The following RUNX1 variants were observed in gnomAD, a reference collection of about 807,000 sequenced individuals.
The protein encoded by RUNX1 is RUNX family transcription factor 1.
A neutral mutation model predicts 42.8 loss-of-function variants in RUNX1; 19 were observed. The observed-to-expected ratio is 0.44, with a 90% CI of 0.31 to 0.65. RUNX1 has a LOEUF of 0.65. Among genes scored for constraint, RUNX1 ranks in the 30% least tolerant of loss-of-function variants. RUNX1 has a pLI of 0.07. For missense variants in RUNX1, 528 were observed against 672.0 expected, an observed-to-expected ratio of 0.79 and a Z score of 2.37; for synonymous variants, 271 against 289.4, an observed-to-expected ratio of 0.94 and a Z score of 0.64.
chr21:35,015,821 G>GCTC (rs1217918406), intron 2 of RUNX1, among the ~76,000 whole-genome samples: 2 of 152,232 alleles, frequency 1.3e-5, no homozygotes, highest in African/African-American at 4.8e-5. Flanking sequence ...CTGAGATTCA[G>GCTC]AGAGGTGGAC....
Position 34,936,064 on chromosome 21 carries a change from G to A in RUNX1, c.59-43101C>T, listed in dbSNP as rs554347360. Among the ~76,000 whole-genome samples the A allele has an allele frequency of 6.6e-5, 10 of 152,206 alleles. No homozygotes were observed. In the East Asian group the frequency reaches 7.7e-4, roughly 12 times the overall value. On this transcript the variant is annotated intron_variant, in intron 2 of 8. Coordinates refer to ENST00000675419, the MANE Select transcript of RUNX1 (RefSeq NM_001754.5). The stretch of plus-strand genomic sequence containing the variant: ...CACACTAAGAGGTGACTAACATGGC[G>A]GGATAAAAAGCCAGGAGACCCCCCT...
chr21:34,884,702 GT>G (rs2057954898), intron 4 of RUNX1, among the ~76,000 whole-genome samples: 1 of 152,192 alleles, frequency 6.6e-6, no homozygotes, highest in Non-Finnish European at 1.5e-5. Context: ...TAGTTATGCA[GT>G]GAGCAGGTCT....
chr21:35,036,520 G>A (rs776034953), intron 2 of RUNX1, among the ~76,000 whole-genome samples: 1 of 152,128 alleles, frequency 6.6e-6, no homozygotes, highest in Non-Finnish European at 1.5e-5. Context: ...GAAGTAGTCT[G>A]TTGTAGAATA....
At chr21:34,864,113 C>T (rs2057621146) in intron 5 of RUNX1, among the ~76,000 whole-genome samples, 1 of 152,244 alleles carries the variant, frequency 6.6e-6, no homozygotes, top group African/African-American at 2.4e-5. Flanking sequence ...ACAGGAGCCA[C>T]ATGCTCTGCC....
At chr21:34,909,607 A>AAAAAAAAAAAAAAC (rs2058255665) in intron 2 of RUNX1, among the ~76,000 whole-genome samples, 1 of 151,338 alleles carries the variant, frequency 6.6e-6, no homozygotes, top group African/African-American at 2.4e-5. Flanking sequence ...AAAAAAAAAA[A>AAAAAAAAAAAAAAC]AGATGGTGTT....
chr21:34,912,781 A>G lies in RUNX1; in HGVS notation c.59-19818T>C, dbSNP rs76291273. 7.2e-3 allele frequency among the ~76,000 whole-genome samples: 1,100 copies of G among 152,338 alleles called. 8 individuals carry two copies. Among genetic ancestry groups the G allele is most frequent in the African/African-American group, 0.025 (1,052 of 41,576 alleles). On this transcript the variant is annotated intron_variant, in intron 2 of 8. Transcript: ENST00000675419. ...CCAGATATACAGGACATGTGTGATG[A>G]CAGATAGGATATGAACAGATGAGTA...
intron 2 of RUNX1, among the ~76,000 whole-genome samples, chr21:34,993,467 A>G (rs1645109534): frequency 6.6e-6 from 1 of 152,032 alleles, no homozygotes; most frequent in South Asian, 2.1e-4. Flanking sequence ...GCCAGAATAG[A>G]GTCAGAGGAC....
intron 7 of RUNX1, among the ~76,000 whole-genome samples, chr21:34,808,234 T>C (rs1468056485): frequency 6.6e-6 from 1 of 152,200 alleles, no homozygotes; most frequent in Non-Finnish European, 1.5e-5. Flanking sequence ...GCATTCGTTG[T>C]TCCAGCAATT....
intron 7 of RUNX1, among the ~76,000 whole-genome samples, chr21:34,800,855 A>G (rs554334121): frequency 6.6e-6 from 1 of 152,296 alleles, no homozygotes; most frequent in African/African-American, 2.4e-5. Flanking sequence ...CCAGGCAAAT[A>G]GTTTAACTTG....
intron 7 of RUNX1, among the ~76,000 whole-genome samples, chr21:34,827,598 A>G (rs2057006598): frequency 6.6e-6 from 1 of 152,198 alleles, no homozygotes; most frequent in African/African-American, 2.4e-5. Flanking sequence ...CTAGGAGGGT[A>G]GAATGATTTT....
At chr21:34,969,332 C>A (rs957483304) in intron 2 of RUNX1, among the ~76,000 whole-genome samples, 1 of 151,994 alleles carries the variant, frequency 6.6e-6, no homozygotes, top group African/African-American at 2.4e-5. Context: ...GGTTGTCTAG[C>A]CACAAACCCA....
In RUNX1 at chr21:34,792,846, G is replaced by A. The variant is rs1232633272; in HGVS notation, c.968-236C>T. Among the ~76,000 whole-genome samples, 1 of 151,578 alleles carries A rather than the reference G, an allele frequency of 6.6e-6. No individual in the cohort carries two copies. The highest frequency in any genetic ancestry group is 1.9e-4 in the East Asian group (1 of 5,150). On this transcript the variant is annotated intron_variant, in intron 8 of 8. Transcript: ENST00000675419. The surrounding 1 kb of genome is among the most constrained non-coding windows in gnomAD (Gnocchi z 6.9). The stretch of plus-strand genomic sequence containing the variant: ...GGGACCACCCAGGATGCCACCTCCT[G>A]AGATGACGAGGATCACCCAGCATGT...
rs143185467 is a variant in RUNX1, at chr21:35,014,149, C to T, written c.58+34693G>A. On this transcript the variant is annotated intron_variant, in intron 2 of 8. Coordinates refer to ENST00000675419, the MANE Select transcript of RUNX1 (RefSeq NM_001754.5). Reference sequence around the variant, plus strand: ...GAACTTTTGAAATAAGACAAAAGTACACATAATTTTAAAAATTAATATCTT... The same window carrying T: ...GAACTTTTGAAATAAGACAAAAGTATACATAATTTTAAAAATTAATATCTT... Among the ~76,000 whole-genome samples the T allele has an allele frequency of 4.6e-3, 704 of 152,240 alleles. 5 individuals carry two copies. Among genetic ancestry groups the T allele is most frequent in the African/African-American group, 0.016 (665 of 41,558 alleles).
intron 2 of RUNX1, among the ~76,000 whole-genome samples, chr21:34,949,115 C>A (rs1195638796): frequency 6.6e-6 from 1 of 152,168 alleles, no homozygotes. Context: ...CCCATCCCCC[C>A]AAACAGCTAC....
chr21:34,811,318 T>C (rs1175205493), intron 7 of RUNX1, among the ~76,000 whole-genome samples: 1 of 152,224 alleles, frequency 6.6e-6, no homozygotes, highest in African/African-American at 2.4e-5. Flanking sequence ...TTCCTCTGTT[T>C]TTCTCATGCA....
intron 2 of RUNX1, among the ~76,000 whole-genome samples, chr21:34,945,489 C>T (rs1327324773): frequency 6.6e-6 from 1 of 152,184 alleles, no homozygotes; most frequent in African/African-American, 2.4e-5. Context: ...CACTATCTTC[C>T]ACTCCTCAGC....
chr21:34,852,589 A>G (rs2057437530), intron 6 of RUNX1, among the ~76,000 whole-genome samples: 1 of 152,242 alleles, frequency 6.6e-6, no homozygotes, highest in Admixed American at 6.5e-5. Flanking sequence ...AATTAAAAGT[A>G]CCAGGGGGAA....
At chr21:34,988,520 A>C (rs2058909607) in intron 2 of RUNX1, among the ~76,000 whole-genome samples, 1 of 151,926 alleles carries the variant, frequency 6.6e-6, no homozygotes, top group Non-Finnish European at 1.5e-5. Context: ...TGCTGTGGGC[A>C]CTCGCCTCGG....
intron 5 of RUNX1, among the ~76,000 whole-genome samples, chr21:34,872,949 A>G (rs1232757196): frequency 6.6e-6 from 1 of 152,218 alleles, no homozygotes. Flanking sequence ...CAAGATACTG[A>G]TAATAAACTG....
Sources: allele counts gnomAD v4.1 joint callset (sites outside exome capture counted in the v4.1 genomes callset), GRCh38; gene constraint gnomAD v4.1.1; non-coding constraint Gnocchi (gnomAD v3.1); transcripts MANE v1.5; gene names NCBI Gene and HGNC (gene_info 2026-07-23, HGNC 2026-07-21).